NKAIN2: variants seen among roughly 807,000 people sequenced by gnomAD.
The protein encoded by NKAIN2 is sodium/potassium transporting ATPase interacting 2.
In NKAIN2, 14 loss-of-function variants were observed where a neutral mutation model predicts 32.6. That is an observed-to-expected ratio of 0.43 (90% CI 0.28 to 0.67). NKAIN2 has a LOEUF of 0.67. NKAIN2 is among the 30% of genes least tolerant of loss of function. The pLI, the probability that NKAIN2 is intolerant of heterozygous loss-of-function variation, is 0.17. For synonymous variants in NKAIN2, 80 were observed against 87.2 expected, an observed-to-expected ratio of 0.92 and a Z score of 0.46; for missense variants, 198 against 258.3, an observed-to-expected ratio of 0.77 and a Z score of 1.60.
intron 3 of NKAIN2, among the ~76,000 whole-genome samples, chr6:124,640,780 T>A (rs543807352): frequency 7.9e-5 from 12 of 152,346 alleles, no homozygotes; most frequent in African/African-American, 2.4e-4. Flanking sequence ...GGAAGTTCGA[T>A]GAACTTTAAC....
At chr6:124,360,308 C>T (rs1317836409) in intron 3 of NKAIN2, among the ~76,000 whole-genome samples, 1 of 152,034 alleles carries the variant, frequency 6.6e-6, no homozygotes, top group East Asian at 1.9e-4. Flanking sequence ...TGGAGGATTC[C>T]CTCTTTTTCT....
intron 1 of NKAIN2, among the ~76,000 whole-genome samples, chr6:124,212,916 A>C (rs1009329070): frequency 3.3e-5 from 5 of 152,126 alleles, no homozygotes; most frequent in Non-Finnish European, 7.4e-5. Context: ...CACAAAAATC[A>C]GTTTATTAAT....
intron 3 of NKAIN2, among the ~76,000 whole-genome samples, chr6:124,509,539 A>C (rs990567607): frequency 9.2e-5 from 14 of 152,212 alleles, no homozygotes; most frequent in Non-Finnish European, 1.8e-4. Flanking sequence ...CTACCACAAC[A>C]CTTGCATCTG....
chr6:123,862,913 A>AT (rs1775842101), intron 1 of NKAIN2, among the ~76,000 whole-genome samples: 1 of 152,138 alleles, frequency 6.6e-6, no homozygotes, highest in African/African-American at 2.4e-5. Flanking sequence ...ATTTAGTCTT[A>AT]TTTACCACTG....
chr6:123,938,441 TATATATATATAC>T (rs1479140015), intron 1 of NKAIN2, among the ~76,000 whole-genome samples: 19 of 36,032 alleles, frequency 5.3e-4, no homozygotes, highest in South Asian at 7.7e-4. Context: ...TATATATATA[TATATATATATAC>T]ACACACACAC....
chr6:124,680,885 A>T (rs1193804629), intron 4 of NKAIN2, among the ~76,000 whole-genome samples: 1 of 151,978 alleles, frequency 6.6e-6, no homozygotes, highest in Non-Finnish European at 1.5e-5. Flanking sequence ...ATGAGAAAGA[A>T]AGGAAAAACT....
chr6:124,604,329 T>G (rs1782417538), intron 3 of NKAIN2, among the ~76,000 whole-genome samples: 1 of 152,040 alleles, frequency 6.6e-6, no homozygotes, highest in Non-Finnish European at 1.5e-5. Context: ...CTTCCTTATT[T>G]GCTCCCTTTC....
chr6:124,273,584 G>A (rs746117647), intron 1 of NKAIN2, among the ~76,000 whole-genome samples: 56 of 152,144 alleles, frequency 3.7e-4, no homozygotes, highest in Non-Finnish European at 7.4e-4. Flanking sequence ...TCTGTCAGAT[G>A]ACATGAATAT....
chr6:124,583,140 A>G (rs1041243702), intron 3 of NKAIN2, among the ~76,000 whole-genome samples: 2 of 151,996 alleles, frequency 1.3e-5, no homozygotes, highest in Non-Finnish European at 2.9e-5. Flanking sequence ...CGAAAGAAAT[A>G]AAGGTGTCCA....
At chr6:124,105,367 G>T (rs1785071949) in intron 1 of NKAIN2, among the ~76,000 whole-genome samples, 8 of 152,136 alleles carry the variant, frequency 5.3e-5, no homozygotes, top group Admixed American at 5.2e-4. Flanking sequence ...TAGAGTCCGG[G>T]TGTAGTTATA....
chr6:123,806,698 T>G lies in NKAIN2; in HGVS notation c.54+2444T>G, dbSNP rs558649504. On this transcript the variant is annotated intron_variant, in intron 1 of 6. Coordinates refer to ENST00000368417, the MANE Select transcript of NKAIN2 (RefSeq NM_001040214.3). ...TGACTGAAATAAAAGTTAACCCAGT[T>G]TTGTTTACTTCTCAAGTGTTTAGTA... Among the ~76,000 whole-genome samples, 6 of 152,162 alleles carry G rather than the reference T, an allele frequency of 3.9e-5. No individual in the cohort carries two copies. In the South Asian group the frequency reaches 1.2e-3, roughly 32 times the overall value.
chr6:124,045,219 T>C (rs1057460235), intron 1 of NKAIN2, among the ~76,000 whole-genome samples: 1 of 151,982 alleles, frequency 6.6e-6, no homozygotes, highest in African/African-American at 2.4e-5. Flanking sequence ...TGCATATATA[T>C]ATGAAACTAC....
chr6:124,309,486 T>C (rs1479771544), intron 2 of NKAIN2, among the ~76,000 whole-genome samples: 1 of 151,996 alleles, frequency 6.6e-6, no homozygotes, highest in Non-Finnish European at 1.5e-5. Context: ...TGTATTAGGG[T>C]TTTAAATAGA....
At chr6:123,955,963 T>A (rs79392423) in intron 1 of NKAIN2, among the ~76,000 whole-genome samples, 7,527 of 152,162 alleles carry the variant, frequency 0.049, 572 homozygotes, top group African/African-American at 0.16. Flanking sequence ...CAGTATTTCA[T>A]TCTTAAACTT....
At chr6:124,399,049 C>G (rs1773518410) in intron 3 of NKAIN2, among the ~76,000 whole-genome samples, 1 of 152,016 alleles carries the variant, frequency 6.6e-6, no homozygotes, top group African/African-American at 2.4e-5. Context: ...GCCTCATTAT[C>G]CTGAGTAGCT....
chr6:123,991,146 A>G (rs1779392363), intron 1 of NKAIN2, among the ~76,000 whole-genome samples: 1 of 152,210 alleles, frequency 6.6e-6, no homozygotes, highest in Non-Finnish European at 1.5e-5. Context: ...TTAAGGAAAT[A>G]AAAAGATTGA....
At position 124,705,140 on chromosome 6, in the gene NKAIN2, G is replaced by A. The variant is rs549418993; in HGVS notation, c.474+46754G>A. 5.9e-5 allele frequency among the ~76,000 whole-genome samples: 9 copies of A among 152,112 alleles called. No individual in the cohort carries two copies. The South Asian group carries it at 1.9e-3, about 32-fold the overall frequency. ...ATCATGATCACACAAAGACAAATGT[G>A]ATAAATAGTACTAGGAAGGAATAAC... On this transcript the variant is annotated intron_variant, in intron 4 of 6. Transcript: ENST00000368417.
At chr6:124,378,591 T>G (rs1800091051) in intron 3 of NKAIN2, among the ~76,000 whole-genome samples, 1 of 152,144 alleles carries the variant, frequency 6.6e-6, no homozygotes, top group African/African-American at 2.4e-5. Context: ...TGGGGAGAAT[T>G]GGATCAGTCC....
At chr6:123,981,914 G>A (rs1343060322) in intron 1 of NKAIN2, among the ~76,000 whole-genome samples, 1 of 152,100 alleles carries the variant, frequency 6.6e-6, no homozygotes, top group Non-Finnish European at 1.5e-5. Context: ...AGTATTTAAT[G>A]AACTGGCCAG....
Sources: gnomAD v4.1 joint callset for allele counts (sites outside exome capture counted in the v4.1 genomes callset) on GRCh38, gnomAD v4.1.1 for gene constraint, MANE v1.5 for transcripts, NCBI Gene and HGNC (gene_info 2026-07-23, HGNC 2026-07-21) for gene names.